The following LY96 variants were observed in gnomAD, a reference collection of about 807,000 sequenced individuals.
LY96 encodes the protein lymphocyte antigen 96.
LY96 carries 18 observed loss-of-function variants against 18.9 expected under a neutral mutation model. That is an observed-to-expected ratio of 0.95 (90% CI 0.66 to 1.41). The LOEUF (loss-of-function observed/expected upper bound fraction) is 1.41. Among genes scored for constraint, LY96 ranks in the 40% most tolerant of loss-of-function variants. LY96 has a pLI of 0.00. For missense variants in LY96, 175 were observed against 182.4 expected (o/e 0.96, Z 0.23); for synonymous variants, 66 against 62.6 (o/e 1.06, Z -0.26).
At chr8:74,067,552 G>T in the LY96 span, among the ~76,000 whole-genome samples, 1 of 152,028 alleles carries the variant, frequency 6.6e-6, no homozygotes, top group African/African-American at 2.4e-5. Flanking sequence ...TTGACACAGT[G>T]ACTCCATTTT....
the LY96 span, among the ~76,000 whole-genome samples, chr8:74,041,475 A>G: frequency 2.6e-5 from 4 of 152,238 alleles, no homozygotes; most frequent in African/African-American, 9.6e-5. Context: ...GAATAGAGCC[A>G]TATTTTTCTT....
the LY96 span, among the ~76,000 whole-genome samples, chr8:74,054,613 T>TTTCCTTCC: frequency 4.0e-5 from 4 of 98,884 alleles, no homozygotes; most frequent in Admixed American, 1.1e-4. Flanking sequence ...CTTGTTTCCT[T>TTTCCTTCC]TTCCTTCTTT....
intron 3 of LY96, among the ~76,000 whole-genome samples, chr8:74,020,723 T>C (rs1050002415): frequency 4.6e-5 from 7 of 152,072 alleles, no homozygotes; most frequent in South Asian, 4.1e-4. Context: ...AAAACAGAGA[T>C]ATAGACCAAT....
chr8:74,001,867 C>A (rs1816276709), intron 1 of LY96, among the ~76,000 whole-genome samples: 1 of 151,934 alleles, frequency 6.6e-6, no homozygotes, highest in African/African-American at 2.4e-5. Flanking sequence ...AAAACTATTT[C>A]ATTGGGCTTC....
the LY96 span, among the ~76,000 whole-genome samples, chr8:74,044,137 G>A: frequency 6.6e-6 from 1 of 151,724 alleles, no homozygotes; most frequent in Non-Finnish European, 1.5e-5. Context: ...CACTTAGTAA[G>A]CAAGGTGGAA....
intron 3 of LY96, among the ~76,000 whole-genome samples, chr8:74,022,119 G>A (rs1255507057): frequency 6.6e-6 from 1 of 151,948 alleles, no homozygotes; most frequent in African/African-American, 2.4e-5. Flanking sequence ...CAAGATATGA[G>A]CTTTCTTGGC....
At chr8:74,060,590 A>G in the LY96 span, among the ~76,000 whole-genome samples, 16 of 152,332 alleles carry the variant, frequency 1.1e-4, no homozygotes, top group Non-Finnish European at 2.4e-4. Context: ...ATATATGTCG[A>G]AAGACTGATG....
the LY96 span, among the ~76,000 whole-genome samples, chr8:74,041,917 C>T: frequency 2.0e-5 from 3 of 152,162 alleles, no homozygotes; most frequent in African/African-American, 2.4e-5. Context: ...GTGACCTACT[C>T]CCTGTTCTTG....
the LY96 span, among the ~76,000 whole-genome samples, chr8:74,058,518 T>C: frequency 1.4e-5 from 2 of 141,780 alleles, no homozygotes; most frequent in Non-Finnish European, 3.1e-5. Flanking sequence ...ATCTAGAAAG[T>C]TTTTCTTTTT....
chr8:74,037,037 G>A, the LY96 span, among the ~76,000 whole-genome samples: 1 of 152,174 alleles, frequency 6.6e-6, no homozygotes, highest in Non-Finnish European at 1.5e-5. Flanking sequence ...TGTGGAATGG[G>A]TTATCAGACA....
the LY96 span, among the ~76,000 whole-genome samples, chr8:74,074,296 A>G: frequency 9.5e-4 from 144 of 152,336 alleles, 4 homozygotes; most frequent in South Asian, 0.028. Context: ...CACTGTGCCC[A>G]GCATGACCAT....
chr8:74,054,999 C>G, the LY96 span, among the ~76,000 whole-genome samples: 1 of 152,170 alleles, frequency 6.6e-6, no homozygotes, highest in East Asian at 1.9e-4. Context: ...CTTGACCTTC[C>G]CAGGCTCAGG....
intron 1 of LY96, among the ~76,000 whole-genome samples, chr8:74,003,106 C>G (rs980157579): frequency 6.6e-6 from 1 of 151,878 alleles, no homozygotes; most frequent in Non-Finnish European, 1.5e-5. Flanking sequence ...CCTTGTCTCT[C>G]TGTTTGGCAT....
the LY96 span, among the ~76,000 whole-genome samples, chr8:74,089,439 GC>G: frequency 4.6e-5 from 7 of 152,104 alleles, no homozygotes; most frequent in East Asian, 5.8e-4. Flanking sequence ...ATCTGGCCCT[GC>G]CCCCAAACAT....
the LY96 span, among the ~76,000 whole-genome samples, chr8:74,038,311 T>G: frequency 2.6e-5 from 4 of 152,178 alleles, no homozygotes; most frequent in Non-Finnish European, 4.4e-5. Flanking sequence ...CTATTTTTTT[T>G]GTACCCATTA....
At chr8:74,016,986 G>C (rs1455073437) in intron 3 of LY96, among the ~76,000 whole-genome samples, 1 of 152,336 alleles carries the variant, frequency 6.6e-6, no homozygotes, top group East Asian at 1.9e-4. Flanking sequence ...AAAAACCAGA[G>C]TGTCTCTTCT....
At chr8:74,022,005 G>C (rs1391091693) in intron 3 of LY96, among the ~76,000 whole-genome samples, 1 of 151,914 alleles carries the variant, frequency 6.6e-6, no homozygotes, top group Non-Finnish European at 1.5e-5. Context: ...AACCAACATG[G>C]CACATGTATA....
the LY96 span, among the ~76,000 whole-genome samples, chr8:74,081,481 G>A: frequency 6.6e-6 from 1 of 151,122 alleles, no homozygotes; most frequent in African/African-American, 2.4e-5. Context: ...CTGGTCTTGA[G>A]CTCCTGGGCT....
the LY96 span, among the ~76,000 whole-genome samples, chr8:74,078,769 G>T: frequency 6.6e-6 from 1 of 152,110 alleles, no homozygotes; most frequent in Non-Finnish European, 1.5e-5. Flanking sequence ...TGACACTCTT[G>T]CCTAACTTCC....
Sources: gnomAD v4.1 joint callset for allele counts (sites outside exome capture counted in the v4.1 genomes callset) on GRCh38, gnomAD v4.1.1 for gene constraint, MANE v1.5 for transcripts, NCBI Gene and HGNC (gene_info 2026-07-23, HGNC 2026-07-21) for gene names.